ATP9B: variants seen among roughly 807,000 people sequenced by gnomAD.
ATP9B encodes the protein ATPase phospholipid transporting 9B, also known as probable phospholipid-transporting ATPase IIB.
ATP9B carries 110 observed loss-of-function variants against 146.1 expected under a neutral mutation model. The observed-to-expected ratio is 0.75, with a 90% CI of 0.65 to 0.88. The LOEUF is 0.88. ATP9B is among the 40% of genes least tolerant of loss of function. The probability of loss-of-function intolerance (pLI) is 0.00; values close to 1 mark genes in which losing one functional copy is unlikely to be tolerated. For missense variants in ATP9B, 1,499 were observed against 1,496.4 expected (o/e 1.00, Z -0.03); for synonymous variants, 604 against 569.7 (o/e 1.06, Z -0.86).
chr18:79,127,504 T>C lies in ATP9B; in HGVS notation c.667+1129T>C, dbSNP rs775309345. Among the ~76,000 whole-genome samples, 44 of 152,208 alleles carry C rather than the reference T, an allele frequency of 2.9e-4. 1 individual carries two copies. Among genetic ancestry groups the C allele is most frequent in the Non-Finnish European group, 5.1e-4 (35 of 68,042 alleles). ...CACCAGCTGCTTTCACTGGACATGT[T>C]TTCAAGGTTCATCTGGTAGTAGCAT... On this transcript the variant is annotated intron_variant, in intron 5 of 29. Transcript: ENST00000426216.
chr18:79,280,988 T>C (rs1260915891), intron 13 of ATP9B, among the ~76,000 whole-genome samples: 1 of 152,204 alleles, frequency 6.6e-6, no homozygotes, highest in Non-Finnish European at 1.5e-5. Flanking sequence ...ATAGGAACTT[T>C]CCTTCATTTT....
At chr18:79,328,570 C>G (rs2096773773) in intron 15 of ATP9B, among the ~76,000 whole-genome samples, 1 of 152,176 alleles carries the variant, frequency 6.6e-6, no homozygotes, top group African/African-American at 2.4e-5. Flanking sequence ...CACAGGAGTT[C>G]CGACTTTCAC....
intron 14 of ATP9B, 148 bp downstream of exon 14, chr18:79,303,864 G>A (rs1164556707): frequency 1.8e-5 from 10 of 544,866 alleles, no homozygotes; most frequent in Non-Finnish European, 2.6e-5. Context: ...TCGAATATAC[G>A]AATCAGGAAA....
At chr18:79,331,654 G>A (rs548713612) in intron 17 of ATP9B, among the ~76,000 whole-genome samples, 1 of 151,970 alleles carries the variant, frequency 6.6e-6, no homozygotes, top group South Asian at 2.1e-4. Context: ...AGTTAAAAGT[G>A]TATTATTCTG....
chr18:79,134,786 T>C (rs1287135452), intron 5 of ATP9B, among the ~76,000 whole-genome samples: 1 of 152,250 alleles, frequency 6.6e-6, no homozygotes, highest in Non-Finnish European at 1.5e-5. Context: ...TGTTTTTACC[T>C]TGACTTATTT....
At position 79,307,248 on chromosome 18, in the gene ATP9B, C is replaced by A. The variant is rs780756842; in HGVS notation, c.1773+14C>A. The A allele has an allele frequency of 8.1e-6, 13 of 1,613,790 alleles. No individual in the cohort carries two copies. In the East Asian group the frequency reaches 2.9e-4, roughly 36 times the overall value. On this transcript the variant is annotated intron_variant, in intron 15 of 29. Transcript: ENST00000426216. ...AGCCCGGATGAGGTCAGTCAAAGCA[C>A]AAAACCGTGGGAGCTTGTCCGTTCC...
intron 15 of ATP9B, among the ~76,000 whole-genome samples, chr18:79,320,191 G>A (rs1331982218): frequency 6.6e-6 from 1 of 152,248 alleles, no homozygotes; most frequent in Non-Finnish European, 1.5e-5. Flanking sequence ...GCTTGTTCCT[G>A]AGTCTACATC....
At chr18:79,076,921 G>T (rs1323614029) in intron 1 of ATP9B, among the ~76,000 whole-genome samples, 1 of 151,858 alleles carries the variant, frequency 6.6e-6, no homozygotes, top group Non-Finnish European at 1.5e-5. Context: ...TAGTTTTACT[G>T]TTGAGCCCAT....
chr18:79,274,289 A>G (rs2096284004), intron 12 of ATP9B, among the ~76,000 whole-genome samples: 1 of 152,228 alleles, frequency 6.6e-6, no homozygotes, highest in Non-Finnish European at 1.5e-5. Flanking sequence ...AGTGATAGCT[A>G]TACTCTGCCA....
Position 79,126,330 on chromosome 18 carries a change from G to A in ATP9B, c.622G>A (p.Asp208Asn), listed in dbSNP as rs765743541. ...TGATGAATTTCGGCGTTTTCAGCGT[G>A]ACAAGGAAGTGAATTCACAACTATA... ...AIDEFRRFQR[D>N]KEVNSQLYSK... The change falls in exon 5 of 30, where the codon GAC becomes AAC. Residue 208 changes from aspartate (D) to asparagine (N), a missense_variant. Coordinates refer to ENST00000426216, the MANE Select transcript of ATP9B (RefSeq NM_198531.5). The A allele has an allele frequency of 8.1e-6, 13 of 1,611,858 alleles. No individual in the cohort carries two copies. The highest frequency in any genetic ancestry group is 1.0e-5 in the Non-Finnish European group (12 of 1,178,576).
intron 3 of ATP9B, among the ~76,000 whole-genome samples, chr18:79,111,368 G>A (rs928192547): frequency 6.6e-6 from 1 of 152,038 alleles, no homozygotes. Flanking sequence ...TGCTGACATT[G>A]TATTTGGCAT....
intron 1 of ATP9B, 24 bp from the exon 2 acceptor site, chr18:79,096,452 G>A (rs780272418): frequency 1.9e-6 from 3 of 1,610,472 alleles, no homozygotes; most frequent in Non-Finnish European, 8.5e-7. Context: ...GCCTATCTCA[G>A]CACTCCATTT....
chr18:79,328,862 G>A (rs1329890748), intron 15 of ATP9B, among the ~76,000 whole-genome samples: 1 of 152,110 alleles, frequency 6.6e-6, no homozygotes, highest in African/African-American at 2.4e-5. Flanking sequence ...TGGCTCTAGG[G>A]AGCAATTAAC....
At chr18:79,190,895 G>GTTT (rs1327151831) in intron 8 of ATP9B, among the ~76,000 whole-genome samples, 27 of 151,358 alleles carry the variant, frequency 1.8e-4, no homozygotes, top group South Asian at 1.7e-3. Flanking sequence ...GGATTTGGGG[G>GTTT]TTTTTTTTAA....
chr18:79,264,097 A>AG (rs1335011497), intron 12 of ATP9B, among the ~76,000 whole-genome samples: 22 of 152,226 alleles, frequency 1.4e-4, no homozygotes, highest in Non-Finnish European at 3.1e-4. Flanking sequence ...AAAAAAGAAA[A>AG]GGAAAAAAAA....
intron 7 of ATP9B, among the ~76,000 whole-genome samples, chr18:79,172,574 CGT>C (rs1372194095): frequency 8.0e-5 from 11 of 136,672 alleles, no homozygotes; most frequent in African/African-American, 8.2e-5. Context: ...GCGTAGCCAC[CGT>C]GCGCCGACCT....
chr18:79,135,745 G>T (rs1396054562), intron 5 of ATP9B, among the ~76,000 whole-genome samples: 1 of 152,072 alleles, frequency 6.6e-6, no homozygotes, highest in Non-Finnish European at 1.5e-5. Flanking sequence ...TTTCTGCTCT[G>T]TTTCTCCTGT....
At chr18:79,178,487 G>A (rs2095209741) in intron 8 of ATP9B, among the ~76,000 whole-genome samples, 1 of 152,120 alleles carries the variant, frequency 6.6e-6, no homozygotes, top group Non-Finnish European at 1.5e-5. Context: ...CCGCCTTGAT[G>A]TATAATGCTA....
chr18:79,073,769 T>A (rs1318611526), intron 1 of ATP9B, among the ~76,000 whole-genome samples: 1 of 152,230 alleles, frequency 6.6e-6, no homozygotes, highest in East Asian at 1.9e-4. Context: ...TTTCTGTTAT[T>A]GTATTTCTCA....
Sources: gnomAD v4.1 joint callset for allele counts (sites outside exome capture counted in the v4.1 genomes callset) on GRCh38, gnomAD v4.1.1 for gene constraint, MANE v1.5 for transcripts, NCBI Gene and HGNC (gene_info 2026-07-23, HGNC 2026-07-21) for gene names.